The following AGBL4 variants were observed in gnomAD, a reference collection of about 807,000 sequenced individuals.
AGBL4 encodes the protein cytosolic carboxypeptidase 6.
A neutral mutation model predicts 66.4 loss-of-function variants in AGBL4; 58 were observed. The ratio of observed to expected loss-of-function variants is 0.87; its 90% CI spans 0.71 to 1.09. AGBL4 has a LOEUF of 1.09. AGBL4 is among the 50% of genes least tolerant of loss of function. The pLI, the probability that AGBL4 is intolerant of heterozygous loss-of-function variation, is 0.00. For synonymous variants in AGBL4, 234 were observed against 222.9 expected, an observed-to-expected ratio of 1.05 and a Z score of -0.44; for missense variants, 579 against 631.0, an observed-to-expected ratio of 0.92 and a Z score of 0.88.
intron 3 of AGBL4, among the ~76,000 whole-genome samples, chr1:49,393,531 C>T (rs573117577): frequency 1.3e-5 from 2 of 152,292 alleles, no homozygotes; most frequent in East Asian, 1.9e-4. Context: ...ACAGAGCTCA[C>T]ACTTTATCAG....
intron 1 of AGBL4, among the ~76,000 whole-genome samples, chr1:49,868,995 A>C (rs1008149612): frequency 2.0e-5 from 3 of 152,202 alleles, no homozygotes; most frequent in African/African-American, 7.2e-5. Flanking sequence ...AATATGTGGA[A>C]AAAAAGCTCA....
At chr1:49,995,086 C>T (rs567206098) in intron 1 of AGBL4, 87 of 455,390 alleles carry the variant, frequency 1.9e-4, no homozygotes, top group Non-Finnish European at 3.1e-4. Flanking sequence ...GAGAAGGAAA[C>T]TTCCAGCTGA....
chr1:49,372,615 CTTT>C (rs1644375017), intron 3 of AGBL4, among the ~76,000 whole-genome samples: 1 of 22,376 alleles, frequency 4.5e-5, no homozygotes, highest in Non-Finnish European at 9.8e-5. Flanking sequence ...CTTTTTCTTT[CTTT>C]CTTTCTTTCT....
At chr1:49,066,365 A>G (rs1342159536) in intron 4 of AGBL4, among the ~76,000 whole-genome samples, 2 of 152,222 alleles carry the variant, frequency 1.3e-5, no homozygotes, top group Non-Finnish European at 2.9e-5. Flanking sequence ...CATCCTTGCC[A>G]ACATGGTGAA....
At chr1:49,350,912 C>T (rs1184116560) in intron 3 of AGBL4, among the ~76,000 whole-genome samples, 3 of 152,150 alleles carry the variant, frequency 2.0e-5, no homozygotes, top group Non-Finnish European at 2.9e-5. Flanking sequence ...AAGGGTAAAT[C>T]CTTCTCCCAT....
intron 6 of AGBL4, among the ~76,000 whole-genome samples, chr1:48,761,864 G>C (rs1482474249): frequency 2.0e-5 from 3 of 152,190 alleles, no homozygotes. Flanking sequence ...TCTAAGCCAA[G>C]TGTCTTCCCA....
intron 6 of AGBL4, among the ~76,000 whole-genome samples, chr1:48,752,894 C>T (rs1651969698): frequency 6.6e-6 from 1 of 152,114 alleles, no homozygotes; most frequent in African/African-American, 2.4e-5. Context: ...GGACTACAGG[C>T]ACGCGCCCCC....
chr1:49,182,925 G>C (rs2148189719), intron 4 of AGBL4, among the ~76,000 whole-genome samples: 1 of 152,122 alleles, frequency 6.6e-6, no homozygotes, highest in Admixed American at 6.5e-5. Flanking sequence ...TCACACTTTG[G>C]GGTTTGAATG....
chr1:48,847,848 G>A (rs1187248554), intron 6 of AGBL4, among the ~76,000 whole-genome samples: 2 of 152,150 alleles, frequency 1.3e-5, no homozygotes, highest in Admixed American at 6.5e-5. Flanking sequence ...CACAGTCTGT[G>A]CTCATAAATG....
chr1:49,595,460 T>C (rs938095323), intron 3 of AGBL4, among the ~76,000 whole-genome samples: 2 of 152,020 alleles, frequency 1.3e-5, no homozygotes, highest in East Asian at 3.9e-4. Context: ...TGTTTAAAGT[T>C]GTATTCTCTC....
chr1:49,371,210 AAGATAGATAGATAGATATAT>A (rs1201350025), intron 3 of AGBL4, among the ~76,000 whole-genome samples: 1 of 149,584 alleles, frequency 6.7e-6, no homozygotes, highest in African/African-American at 2.5e-5. Flanking sequence ...AGATAGATAG[AAGATAGATAGATAGATATAT>A]AGATAGATAG....
intron 3 of AGBL4, among the ~76,000 whole-genome samples, chr1:49,498,868 T>A (rs1647858977): frequency 2.0e-5 from 3 of 152,114 alleles, no homozygotes; most frequent in African/African-American, 7.2e-5. Flanking sequence ...TTTATACATT[T>A]AAATTATGTT....
At position 49,979,467 on chromosome 1, in the gene AGBL4, C is replaced by CAA. The variant is rs777875738; in HGVS notation, c.34+44294_34+44295dup. Among the ~76,000 whole-genome samples the CAA allele has an allele frequency of 5.9e-4, 52 of 87,720 alleles. 1 individual carries two copies. In the South Asian group the frequency reaches 0.013, roughly 23 times the overall value. 57.5% of individuals were successfully genotyped at this position (87,720 alleles called of 152,430 possible). Reference sequence around the variant, plus strand: ...TGGGCGACAGAGCGAGACTCCGCCTCAAAAAAAAAAAAAAACTTACAACCT... The same window carrying CAA: ...TGGGCGACAGAGCGAGACTCCGCCTCAAAAAAAAAAAAAAAAACTTACAACCT... On this transcript the variant is annotated intron_variant, in intron 1 of 13. Transcript: ENST00000371839.
chr1:49,015,686 A>G (rs1662769451), intron 5 of AGBL4, among the ~76,000 whole-genome samples: 1 of 151,768 alleles, frequency 6.6e-6, no homozygotes, highest in Admixed American at 6.6e-5. Context: ...GGCCTCCTAA[A>G]GTGCTGGGAT....
In AGBL4 at chr1:49,809,581, C is replaced by T. The variant is rs538159245; in HGVS notation, c.157+41815G>A. Among the ~76,000 whole-genome samples, 40 of 152,174 alleles carry T rather than the reference C, an allele frequency of 2.6e-4. No individual in the cohort carries two copies. The South Asian group carries it at 5.0e-3, about 19-fold the overall frequency. On this transcript the variant is annotated intron_variant, in intron 2 of 13. Transcript: ENST00000371839. ...GTTTATTGTCAAAACCAAATGATATCCTGCTGTACAACATTATATCTATAG... is the reference window on the plus strand; with the variant it reads ...GTTTATTGTCAAAACCAAATGATATTCTGCTGTACAACATTATATCTATAG...
At chr1:49,865,588 A>T (rs1481968168) in intron 1 of AGBL4, among the ~76,000 whole-genome samples, 1 of 152,152 alleles carries the variant, frequency 6.6e-6, no homozygotes, top group Non-Finnish European at 1.5e-5. Flanking sequence ...TCCCCATAAA[A>T]ACTCCATCCA....
intron 3 of AGBL4, among the ~76,000 whole-genome samples, chr1:49,556,454 A>C (rs529401355): frequency 6.6e-6 from 1 of 152,002 alleles, no homozygotes; most frequent in African/African-American, 2.4e-5. Flanking sequence ...ACATGTATAC[A>C]TATGTAACAA....
At chr1:49,582,670 C>T (rs1464459052) in intron 3 of AGBL4, among the ~76,000 whole-genome samples, 2 of 152,168 alleles carry the variant, frequency 1.3e-5, no homozygotes, top group African/African-American at 2.4e-5. Context: ...AACCATGCAC[C>T]GTTTGTTAGG....
At chr1:48,641,496 G>A (rs1281475452) in intron 8 of AGBL4, among the ~76,000 whole-genome samples, 1 of 152,022 alleles carries the variant, frequency 6.6e-6, no homozygotes, top group Non-Finnish European at 1.5e-5. Flanking sequence ...AGAGGAGGGT[G>A]GATAAGAACA....
Sources: allele counts gnomAD v4.1 joint callset (sites outside exome capture counted in the v4.1 genomes callset), GRCh38; gene constraint gnomAD v4.1.1; transcripts MANE v1.5; gene names NCBI Gene and HGNC (gene_info 2026-07-23, HGNC 2026-07-21).